TTC28: variants seen among roughly 807,000 people sequenced by gnomAD.
TTC28 encodes tetratricopeptide repeat domain 28.
TTC28 carries 61 observed loss-of-function variants against 198.0 expected under a neutral mutation model. The ratio of observed to expected loss-of-function variants is 0.31; its 90% CI spans 0.25 to 0.38. The LOEUF (loss-of-function observed/expected upper bound fraction) is 0.38. Ranked by LOEUF, TTC28 falls within the 10% of genes least tolerant of loss-of-function variation. The pLI, the probability that TTC28 is intolerant of heterozygous loss-of-function variation, is 1.00. For missense variants in TTC28, 2,678 were observed against 3,164.0 expected (o/e 0.85, Z 3.69); for synonymous variants, 1,171 against 1,297.8 (o/e 0.90, Z 2.10).
At chr22:28,123,304 G>A (rs970298565) in intron 6 of TTC28, among the ~76,000 whole-genome samples, 1 of 151,970 alleles carries the variant, frequency 6.6e-6, no homozygotes, top group African/African-American at 2.4e-5. Context: ...TGCCCAGGCT[G>A]GAGTGCAATG....
chr22:28,306,398 T>A (rs2045146867), intron 3 of TTC28, 98 bp downstream of exon 3: 14 of 1,357,154 alleles, frequency 1.0e-5, no homozygotes, highest in African/African-American at 9.0e-5. Flanking sequence ...GCAAATTTGA[T>A]AACCTATCAA....
intron 2 of TTC28, among the ~76,000 whole-genome samples, chr22:28,374,862 A>AT (rs1432872443): frequency 4.0e-5 from 6 of 148,502 alleles, no homozygotes; most frequent in Non-Finnish European, 7.5e-5. Context: ...TTTTTTTAAT[A>AT]TTTTTTTTAG....
chr22:28,069,373 G>C (rs531383609), intron 12 of TTC28, among the ~76,000 whole-genome samples: 1 of 152,174 alleles, frequency 6.6e-6, no homozygotes, highest in South Asian at 2.1e-4. Context: ...CAAACATCTC[G>C]TGAGTTCATA....
chr22:28,587,802 T>C lies in TTC28; in HGVS notation c.381+41750A>G, dbSNP rs549192476. 8.3e-4 allele frequency among the ~76,000 whole-genome samples: 127 copies of C among 152,272 alleles called. 1 individual carries two copies. The South Asian group carries it at 0.026, about 31-fold the overall frequency. On this transcript the variant is annotated intron_variant, in intron 2 of 22. Coordinates refer to ENST00000397906, the MANE Select transcript of TTC28 (RefSeq NM_001145418.2). ...AAATAGCTTTTTAACCTCTAAAGTG[T>C]TGGTGATTTTCCTGAAAATTAAAAG...
At chr22:28,458,106 T>C (rs2047892462) in intron 2 of TTC28, among the ~76,000 whole-genome samples, 1 of 152,162 alleles carries the variant, frequency 6.6e-6, no homozygotes, top group African/African-American at 2.4e-5. Flanking sequence ...CTCAGTCAAC[T>C]TATTTGGATT....
At chr22:28,257,776 A>C (rs1931047433) in intron 5 of TTC28, among the ~76,000 whole-genome samples, 1 of 128,860 alleles carries the variant, frequency 7.8e-6, no homozygotes, top group Admixed American at 7.8e-5. Flanking sequence ...ATATATATAT[A>C]TATATCTTCT....
At chr22:28,349,968 T>A (rs931547671) in intron 2 of TTC28, among the ~76,000 whole-genome samples, 2 of 152,184 alleles carry the variant, frequency 1.3e-5, no homozygotes, top group Non-Finnish European at 2.9e-5. Flanking sequence ...GAGATAGTAA[T>A]GTACAAAACT....
intron 2 of TTC28, among the ~76,000 whole-genome samples, chr22:28,568,252 C>T (rs2050010493): frequency 6.6e-6 from 1 of 152,112 alleles, no homozygotes; most frequent in Non-Finnish European, 1.5e-5. Flanking sequence ...TGCAGGAAGA[C>T]ATTGGATAAC....
intron 2 of TTC28, among the ~76,000 whole-genome samples, chr22:28,428,596 T>C (rs2047384189): frequency 2.0e-5 from 3 of 151,048 alleles, no homozygotes; most frequent in Admixed American, 2.0e-4. Flanking sequence ...AGTTCTAACA[T>C]TTCATGAATT....
At chr22:28,186,502 T>C (rs1924220066) in intron 5 of TTC28, among the ~76,000 whole-genome samples, 1 of 152,136 alleles carries the variant, frequency 6.6e-6, no homozygotes, top group African/African-American at 2.4e-5. Context: ...ACAGATGGTT[T>C]TCAACAGTGA....
In TTC28 at chr22:28,001,337, C is replaced by G. The variant is rs1200462851; in HGVS notation, c.4398+37G>C. 6.6e-6 allele frequency: 10 copies of G among 1,526,434 alleles called. No individual in the cohort carries two copies. In the Admixed American group the frequency reaches 2.0e-4, roughly 30 times the overall value. 94.6% of individuals were successfully genotyped at this position (1,526,434 alleles called of 1,614,324 possible). The stretch of plus-strand genomic sequence containing the variant: ...TAGACGGTGCCTCGTGACCCGAAAA[C>G]AAGCCCCCGGCCCCCCACCATGTGT... On this transcript the variant is annotated intron_variant, in intron 15 of 22. Transcript: ENST00000397906.
intron 2 of TTC28, among the ~76,000 whole-genome samples, chr22:28,503,668 A>G (rs544610223): frequency 6.6e-6 from 1 of 152,354 alleles, no homozygotes; most frequent in East Asian, 1.9e-4. Context: ...TTCACATTTA[A>G]TATTGTCTTT....
intron 2 of TTC28, among the ~76,000 whole-genome samples, chr22:28,401,072 A>T (rs561308788): frequency 6.6e-6 from 1 of 152,182 alleles, no homozygotes; most frequent in East Asian, 1.9e-4. Flanking sequence ...GAAAAATGGA[A>T]ATCAGGGAAG....
At chr22:28,178,518 T>TG (rs1276117783) in intron 5 of TTC28, among the ~76,000 whole-genome samples, 1 of 151,862 alleles carries the variant, frequency 6.6e-6, no homozygotes, top group Non-Finnish European at 1.5e-5. Flanking sequence ...ATATATAAAT[T>TG]GGAGTTTTCC....
At chr22:28,110,591 A>G (rs1458748523) in intron 6 of TTC28, among the ~76,000 whole-genome samples, 1 of 152,238 alleles carries the variant, frequency 6.6e-6, no homozygotes, top group Non-Finnish European at 1.5e-5. Flanking sequence ...TTTAAAAATA[A>G]GTACATAAAT....
At position 28,391,202 on chromosome 22, in the gene TTC28, G is replaced by A. The variant is rs530286390; in HGVS notation, c.382-84559C>T. Among the ~76,000 whole-genome samples, 361 of 152,264 alleles carry A rather than the reference G, an allele frequency of 2.4e-3. 6 individuals carry two copies. The highest frequency in any genetic ancestry group is 2.0e-3 in the Admixed American group (30 of 15,296). On this transcript the variant is annotated intron_variant, in intron 2 of 22. Coordinates refer to ENST00000397906, the MANE Select transcript of TTC28 (RefSeq NM_001145418.2). ...TCTTCTGGCTTGTAGAGTTTCTGCC[G>A]AGACATCAGCTGTTAGTCTGATGGG...
intron 2 of TTC28, among the ~76,000 whole-genome samples, chr22:28,509,018 G>A (rs780695965): frequency 4.6e-5 from 7 of 151,738 alleles, no homozygotes; most frequent in Non-Finnish European, 7.4e-5. Context: ...CAGCGAAACC[G>A]CATCTCTACT....
intron 5 of TTC28, among the ~76,000 whole-genome samples, chr22:28,191,458 A>G (rs1247636626): frequency 6.6e-6 from 1 of 152,206 alleles, no homozygotes; most frequent in Non-Finnish European, 1.5e-5. Context: ...CAGTGGGTGC[A>G]GCGCACCGAG....
At chr22:28,370,089 C>T (rs1195171672) in intron 2 of TTC28, among the ~76,000 whole-genome samples, 9 of 152,178 alleles carry the variant, frequency 5.9e-5, no homozygotes, top group Non-Finnish European at 2.9e-5. Context: ...GTGAGAGGCA[C>T]TGGCAAGAGT....
Sources: gnomAD v4.1 joint callset for allele counts (sites outside exome capture counted in the v4.1 genomes callset) on GRCh38, gnomAD v4.1.1 for gene constraint, MANE v1.5 for transcripts, NCBI Gene and HGNC (gene_info 2026-07-23, HGNC 2026-07-21) for gene names.